The following LZTFL1 variants were observed in gnomAD, a reference collection of about 807,000 sequenced individuals.
LZTFL1 encodes leucine zipper transcription factor-like protein 1.
In LZTFL1, 25 loss-of-function variants were observed where a neutral mutation model predicts 45.9. That is an observed-to-expected ratio of 0.54 (90% CI 0.40 to 0.76). LZTFL1 has a LOEUF of 0.76. Ranked by LOEUF, LZTFL1 falls within the 30% of genes least tolerant of loss-of-function variation. The pLI is 0.00. For synonymous variants in LZTFL1, 93 were observed against 117.4 expected (o/e 0.79, Z 1.35); for missense variants, 277 against 331.1 (o/e 0.84, Z 1.27).
chr3:45,911,782 A>C (rs1702799687), intron 2 of LZTFL1, among the ~76,000 whole-genome samples: 1 of 152,252 alleles, frequency 6.6e-6, no homozygotes, highest in Non-Finnish European at 1.5e-5. Context: ...GTGAATGCAG[A>C]AAGACATCAA....
chr3:45,894,793 A>AT (rs2125750191), intron 2 of LZTFL1: 5 of 762,464 alleles, frequency 6.6e-6, no homozygotes, highest in East Asian at 2.5e-5. Flanking sequence ...TGCTTGGAAT[A>AT]TTTTTTTCAG....
At chr3:45,865,107 C>A (rs1701556604) in intron 2 of LZTFL1, among the ~76,000 whole-genome samples, 1 of 152,208 alleles carries the variant, frequency 6.6e-6, no homozygotes, top group African/African-American at 2.4e-5. Flanking sequence ...GAAGGGTGAT[C>A]ATGCCTGTGC....
intron 4 of LZTFL1, among the ~76,000 whole-genome samples, chr3:45,854,179 C>G (rs1284866905): frequency 6.6e-6 from 1 of 152,210 alleles, no homozygotes; most frequent in African/African-American, 2.4e-5. Flanking sequence ...GAAAATTCTC[C>G]TCAGCTGCTT....
intron 2 of LZTFL1, among the ~76,000 whole-genome samples, chr3:45,911,309 G>A (rs977415891): frequency 2.0e-5 from 3 of 152,130 alleles, no homozygotes; most frequent in Admixed American, 6.5e-5. Flanking sequence ...CCAATCACTC[G>A]GTCCCCCAAC....
intron 2 of LZTFL1, among the ~76,000 whole-genome samples, chr3:45,891,903 G>C (rs1702190774): frequency 6.6e-6 from 1 of 151,964 alleles, no homozygotes; most frequent in Non-Finnish European, 1.5e-5. Context: ...TTTTTTCCAG[G>C]AATAAAGATG....
At chr3:45,914,724 C>T (rs1244263676) in intron 1 of LZTFL1, among the ~76,000 whole-genome samples, 1 of 152,180 alleles carries the variant, frequency 6.6e-6, no homozygotes, top group East Asian at 1.9e-4. Context: ...TTGGGCTTTT[C>T]CTGATGGCTC....
At chr3:45,887,200 T>C (rs894641431) in intron 2 of LZTFL1, among the ~76,000 whole-genome samples, 2 of 152,038 alleles carry the variant, frequency 1.3e-5, no homozygotes, top group Non-Finnish European at 1.5e-5. Flanking sequence ...GAAAGCAAGA[T>C]AGAAGATTAT....
chr3:45,869,203 C>T (rs111752740), intron 2 of LZTFL1, among the ~76,000 whole-genome samples: 154 of 152,298 alleles, frequency 1.0e-3, no homozygotes, highest in African/African-American at 3.6e-3. Context: ...GATGGAGGAC[C>T]ATGGATAAAG....
intron 3 of LZTFL1, chr3:45,834,611 A>G: frequency 4.8e-6 from 1 of 206,448 alleles, no homozygotes; most frequent in Non-Finnish European, 9.8e-6. Context: ...TTGAGGTGCT[A>G]TGAGGAGACT....
chr3:45,837,494 G>A lies in LZTFL1; in HGVS notation c.128+433C>T, dbSNP rs1474151122. ...CAACTAACAATTTTGGTACTAGTCAGCATTATGATTTCCTGCTGTTTTCCT... is the reference window on the plus strand; with the variant it reads ...CAACTAACAATTTTGGTACTAGTCAACATTATGATTTCCTGCTGTTTTCCT... On this transcript the variant is annotated intron_variant, in intron 2 of 9. Transcript: ENST00000296135. Among the ~76,000 whole-genome samples, 3 of 152,194 alleles carry A rather than the reference G, an allele frequency of 2.0e-5. No homozygotes were observed. The East Asian group carries it at 5.8e-4, about 29-fold the overall frequency.
At chr3:45,885,170 A>C (rs1575288685) in intron 2 of LZTFL1, among the ~76,000 whole-genome samples, 1 of 152,190 alleles carries the variant, frequency 6.6e-6, no homozygotes, top group Non-Finnish European at 1.5e-5. Context: ...TGCGCCTGGG[A>C]GTACCACGCC....
intron 2 of LZTFL1, among the ~76,000 whole-genome samples, chr3:45,908,952 T>A (rs1472916580): frequency 6.6e-6 from 1 of 152,068 alleles, no homozygotes; most frequent in Non-Finnish European, 1.5e-5. Context: ...TTATAGCTGC[T>A]CCCCATCGCC....
chr3:45,872,901 G>C (rs1424259601), intron 2 of LZTFL1, among the ~76,000 whole-genome samples: 1 of 152,206 alleles, frequency 6.6e-6, no homozygotes, highest in Non-Finnish European at 1.5e-5. Flanking sequence ...AGGCAAGTGA[G>C]GCTGAAGTAG....
intron 1 of LZTFL1, chr3:45,841,764 G>A: frequency 3.3e-6 from 2 of 604,850 alleles, no homozygotes; most frequent in Non-Finnish European, 5.8e-6. Context: ...ATGCGGCGGA[G>A]CTGGGCTGCT....
chr3:45,844,223 G>A (rs190002337), upstream of LZTFL1, among the ~76,000 whole-genome samples: 26 of 152,292 alleles, frequency 1.7e-4, no homozygotes, highest in East Asian at 2.3e-3. Flanking sequence ...CCTCAGGGAT[G>A]CCAACAGATT....
intron 2 of LZTFL1, among the ~76,000 whole-genome samples, chr3:45,910,243 T>C (rs1702766923): frequency 6.6e-6 from 1 of 151,926 alleles, no homozygotes; most frequent in African/African-American, 2.4e-5. Flanking sequence ...AGGAAAAAGA[T>C]GGTGGTGGCG....
intron 3 of LZTFL1, among the ~76,000 whole-genome samples, chr3:45,855,828 G>A (rs1701384070): frequency 6.6e-6 from 1 of 152,046 alleles, no homozygotes; most frequent in Non-Finnish European, 1.5e-5. Context: ...AAATACCTAG[G>A]AATACAGAAA....
intron 2 of LZTFL1, among the ~76,000 whole-genome samples, chr3:45,875,324 G>A (rs576788528): frequency 1.3e-5 from 2 of 152,272 alleles, no homozygotes; most frequent in Admixed American, 1.3e-4. Flanking sequence ...ATGAATAAAT[G>A]AATTAACATA....
intron 2 of LZTFL1, among the ~76,000 whole-genome samples, chr3:45,907,404 CTCTGTGGCCAGGT>C (rs1466472887): frequency 6.6e-6 from 1 of 152,240 alleles, no homozygotes; most frequent in African/African-American, 2.4e-5. Context: ...TCAGGCCAGG[CTCTGTGGCCAGGT>C]AGGTGCTTCA....
Sources: gnomAD v4.1 joint callset for allele counts (sites outside exome capture counted in the v4.1 genomes callset) on GRCh38, gnomAD v4.1.1 for gene constraint, MANE v1.5 for transcripts, NCBI Gene and HGNC (gene_info 2026-07-23, HGNC 2026-07-21) for gene names.